The following PPP1R9A variants were observed in gnomAD, a reference collection of about 807,000 sequenced individuals.
The protein encoded by PPP1R9A is neurabin-1.
Under a neutral mutation model 141.9 loss-of-function variants are expected in PPP1R9A, and 59 were observed. The observed-to-expected ratio is 0.42, with a 90% CI of 0.34 to 0.52. PPP1R9A has a LOEUF of 0.52. PPP1R9A is among the 20% of genes least tolerant of loss of function. PPP1R9A has a pLI of 0.10. For synonymous variants in PPP1R9A, 500 were observed against 569.7 expected (o/e 0.88, Z 1.74); for missense variants, 1,444 against 1,611.9 (o/e 0.90, Z 1.78).
At chr7:95,248,404 AGCT>A (rs1798437759) in intron 9 of PPP1R9A, among the ~76,000 whole-genome samples, 1 of 151,632 alleles carries the variant, frequency 6.6e-6, no homozygotes, top group African/African-American at 2.4e-5. Flanking sequence ...TGCTATTCTC[AGCT>A]AATTCACTCT....
At chr7:95,203,754 T>G (rs1410170305) in intron 7 of PPP1R9A, 24 bp downstream of exon 7, 2 of 1,457,614 alleles carry the variant, frequency 1.4e-6, no homozygotes, top group Non-Finnish European at 1.9e-6. Context: ...TTTAAAGTAA[T>G]GCTTACCTGT....
chr7:95,011,997 A>G (rs1404529285), intron 2 of PPP1R9A, among the ~76,000 whole-genome samples: 1 of 152,192 alleles, frequency 6.6e-6, no homozygotes, highest in Non-Finnish European at 1.5e-5. Context: ...AGTTGACTGC[A>G]TGTTTTATAT....
At chr7:95,105,356 A>G (rs1227888461) in intron 2 of PPP1R9A, among the ~76,000 whole-genome samples, 1 of 152,214 alleles carries the variant, frequency 6.6e-6, no homozygotes, top group African/African-American at 2.4e-5. Context: ...TCGTTCAGAA[A>G]TGTCCTTGCT....
At chr7:94,985,886 T>G (rs991375434) in intron 2 of PPP1R9A, among the ~76,000 whole-genome samples, 7 of 152,216 alleles carry the variant, frequency 4.6e-5, no homozygotes, top group Admixed American at 2.6e-4. Context: ...TTGCCATGTA[T>G]GGATGGATAT....
chr7:95,115,322 C>T (rs1334574219), intron 3 of PPP1R9A, among the ~76,000 whole-genome samples: 1 of 151,966 alleles, frequency 6.6e-6, no homozygotes, highest in Non-Finnish European at 1.5e-5. Context: ...TTTGAATTAC[C>T]AGAATCAACT....
chr7:95,098,314 G>A (rs1818305323), intron 2 of PPP1R9A: 1 of 151,914 alleles, frequency 6.6e-6, no homozygotes, highest in Non-Finnish European at 1.5e-5. Context: ...ATATCCCGCT[G>A]TGAGGACTTA....
intron 6 of PPP1R9A, among the ~76,000 whole-genome samples, chr7:95,200,293 G>C (rs1161278328): frequency 2.0e-5 from 3 of 150,226 alleles, no homozygotes; most frequent in Admixed American, 2.0e-4. Context: ...ACGACACAGG[G>C]TCTTGCTCTG....
Position 95,004,700 on chromosome 7 carries a change from A to G in PPP1R9A, c.1395+93192A>G, listed in dbSNP as rs796411661. Among the ~76,000 whole-genome samples the G allele has an allele frequency of 9.5e-4, 145 of 152,326 alleles. 1 individual carries two copies. Among genetic ancestry groups the G allele is most frequent in the African/African-American group, 3.3e-3 (139 of 41,582 alleles). The stretch of plus-strand genomic sequence containing the variant: ...AATAATAGAATGGATATGACTGGAT[A>G]TGACTGAGAGTAGATACCGTATACT... On this transcript the variant is annotated intron_variant, in intron 2 of 19. Transcript: ENST00000433360.
intron 5 of PPP1R9A, among the ~76,000 whole-genome samples, chr7:95,191,881 C>T (rs1036039841): frequency 6.6e-6 from 1 of 151,912 alleles, no homozygotes; most frequent in Non-Finnish European, 1.5e-5. Flanking sequence ...AGTTTTAAAA[C>T]AGGCTGATTC....
intron 2 of PPP1R9A, among the ~76,000 whole-genome samples, chr7:94,954,394 AT>A (rs560088006): frequency 8.7e-4 from 133 of 152,012 alleles, no homozygotes; most frequent in Non-Finnish European, 8.2e-4. Flanking sequence ...TTCCTTTATA[AT>A]TTTAAAAGTC....
chr7:95,160,968 A>G (rs1437245818), intron 4 of PPP1R9A, among the ~76,000 whole-genome samples: 1 of 152,158 alleles, frequency 6.6e-6, no homozygotes, highest in Non-Finnish European at 1.5e-5. Context: ...GCTGTTGTGA[A>G]CAGTGCTGCA....
intron 7 of PPP1R9A, among the ~76,000 whole-genome samples, chr7:95,219,383 T>C (rs1794060400): frequency 6.6e-6 from 1 of 152,216 alleles, no homozygotes; most frequent in Non-Finnish European, 1.5e-5. Flanking sequence ...CCGATGTTTC[T>C]CTCTGGCTGC....
chr7:95,163,803 A>C (rs147118869), intron 5 of PPP1R9A, among the ~76,000 whole-genome samples: 199 of 152,160 alleles, frequency 1.3e-3, no homozygotes, highest in Non-Finnish European at 2.3e-3. Flanking sequence ...GCAGTGGCGC[A>C]GTCTCAACTC....
intron 2 of PPP1R9A, among the ~76,000 whole-genome samples, chr7:95,043,749 G>A (rs997724306): frequency 6.6e-6 from 1 of 151,964 alleles, no homozygotes; most frequent in Non-Finnish European, 1.5e-5. Context: ...CTGTGCCACC[G>A]GGCCCAGATA....
intron 7 of PPP1R9A, among the ~76,000 whole-genome samples, chr7:95,225,491 T>C (rs1795011888): frequency 6.6e-6 from 1 of 152,150 alleles, no homozygotes; most frequent in Non-Finnish European, 1.5e-5. Context: ...CTGTTTGAAC[T>C]CTAACGCTTA....
intron 18 of PPP1R9A, 131 bp from the exon 19 acceptor site, chr7:95,288,405 A>G (rs1230480855): frequency 3.0e-6 from 4 of 1,315,272 alleles, no homozygotes; most frequent in African/African-American, 1.5e-5. Flanking sequence ...CACCACTAGA[A>G]CCATTAGCTT....
intron 2 of PPP1R9A, among the ~76,000 whole-genome samples, chr7:95,057,703 C>T (rs977521610): frequency 8.5e-5 from 13 of 152,124 alleles, no homozygotes; most frequent in Non-Finnish European, 7.4e-5. Context: ...TATTCTTACT[C>T]ATTTTTATTC....
intron 2 of PPP1R9A, among the ~76,000 whole-genome samples, chr7:95,098,930 C>T (rs1488531672): frequency 2.0e-5 from 3 of 152,158 alleles, no homozygotes; most frequent in South Asian, 2.1e-4. Context: ...TCCATTTTCA[C>T]GCTCAAGAGA....
chr7:95,026,783 A>G (rs1008295852), intron 2 of PPP1R9A, among the ~76,000 whole-genome samples: 1 of 152,086 alleles, frequency 6.6e-6, no homozygotes, highest in African/African-American at 2.4e-5. Context: ...TACCCTGCCC[A>G]GAATGTGGGA....
Sources: gnomAD v4.1 joint callset for allele counts (sites outside exome capture counted in the v4.1 genomes callset) on GRCh38, gnomAD v4.1.1 for gene constraint, MANE v1.5 for transcripts, NCBI Gene and HGNC (gene_info 2026-07-23, HGNC 2026-07-21) for gene names.